Variants in THSD7A observed in about 807,000 individuals in gnomAD.
The protein encoded by THSD7A is thrombospondin type-1 domain-containing protein 7A.
THSD7A carries 96 observed loss-of-function variants against 231.3 expected under a neutral mutation model. The observed-to-expected ratio is 0.41, with a 90% CI of 0.35 to 0.49. The LOEUF (loss-of-function observed/expected upper bound fraction) is 0.49, where lower values mean the gene tolerates loss of function less well. THSD7A is among the 20% of genes least tolerant of loss of function. The pLI, the probability that THSD7A is intolerant of heterozygous loss-of-function variation, is 0.05. For synonymous variants in THSD7A, 940 were observed against 743.3 expected, an observed-to-expected ratio of 1.26 and a Z score of -4.30; for missense variants, 2,290 against 2,070.2, an observed-to-expected ratio of 1.11 and a Z score of -2.06.
intron 1 of THSD7A, among the ~76,000 whole-genome samples, chr7:11,684,882 C>T (rs1779981007): frequency 6.6e-6 from 1 of 151,898 alleles, no homozygotes; most frequent in Non-Finnish European, 1.5e-5. Flanking sequence ...TTCTAAAATT[C>T]CTATGAAACC....
intron 19 of THSD7A, among the ~76,000 whole-genome samples, chr7:11,408,927 A>ATAAG (rs1454960918): frequency 1.3e-5 from 2 of 152,250 alleles, no homozygotes; most frequent in African/African-American, 2.4e-5. Flanking sequence ...TATGATAAAA[A>ATAAG]TAAGTGTTAC....
At chr7:11,440,921 A>G (rs1784784398) in intron 13 of THSD7A, among the ~76,000 whole-genome samples, 1 of 152,082 alleles carries the variant, frequency 6.6e-6, no homozygotes, top group South Asian at 2.1e-4. Context: ...AAATGCTATC[A>G]AACAACATTG....
chr7:11,398,688 C>T (rs186830591), intron 23 of THSD7A, among the ~76,000 whole-genome samples: 202 of 152,220 alleles, frequency 1.3e-3, no homozygotes, highest in African/African-American at 4.5e-3. Context: ...CTGACCCCAG[C>T]GATGGATGAA....
At chr7:11,678,033 A>G (rs1189216349) in intron 1 of THSD7A, among the ~76,000 whole-genome samples, 2 of 152,182 alleles carry the variant, frequency 1.3e-5, no homozygotes, top group Non-Finnish European at 2.9e-5. Flanking sequence ...AACTCAGGGT[A>G]AGAAACTCAC....
chr7:11,485,612 G>A (rs1786624029), intron 6 of THSD7A, among the ~76,000 whole-genome samples: 1 of 152,150 alleles, frequency 6.6e-6, no homozygotes, highest in South Asian at 2.1e-4. Context: ...AATAGCAAAA[G>A]TTTGACTAAA....
intron 1 of THSD7A, among the ~76,000 whole-genome samples, chr7:11,769,153 A>ATATATATATATTTTTTT: frequency 3.6e-5 from 1 of 27,662 alleles, no homozygotes; most frequent in African/African-American, 1.2e-4. Context: ...ATATATATAT[A>ATATATATATATTTTTTT]TTTTTTTTTT....
chr7:11,823,249 G>T (rs552748609), intron 1 of THSD7A, among the ~76,000 whole-genome samples: 5 of 152,020 alleles, frequency 3.3e-5, no homozygotes, highest in Non-Finnish European at 7.4e-5. Context: ...CTTTGTCAAA[G>T]ATCAGTTGGT....
At chr7:11,379,358 G>A (rs972020956) in intron 25 of THSD7A, 78 bp from the exon 26 acceptor site, 2 of 1,418,764 alleles carry the variant, frequency 1.4e-6, no homozygotes, top group African/African-American at 1.4e-5. Context: ...TGAAGAGAAG[G>A]CTTTAAACAA....
chr7:11,700,318 A>C (rs1484141745), intron 1 of THSD7A, among the ~76,000 whole-genome samples: 1 of 151,250 alleles, frequency 6.6e-6, no homozygotes, highest in Non-Finnish European at 1.5e-5. Flanking sequence ...AACGTAGTTA[A>C]GGGCACTCAT....
At chr7:11,797,273 C>G (rs1344741476) in intron 1 of THSD7A, among the ~76,000 whole-genome samples, 2 of 152,086 alleles carry the variant, frequency 1.3e-5, no homozygotes, top group East Asian at 3.9e-4. Flanking sequence ...ATGGATAACA[C>G]ATTTAAGCCA....
chr7:11,502,403 C>A (rs1787374075), intron 6 of THSD7A, among the ~76,000 whole-genome samples: 1 of 152,108 alleles, frequency 6.6e-6, no homozygotes, highest in South Asian at 2.1e-4. Context: ...TACTTGCAAA[C>A]CAAATCCAGC....
chr7:11,539,385 AT>A (rs1789046635), intron 6 of THSD7A, among the ~76,000 whole-genome samples: 1 of 152,248 alleles, frequency 6.6e-6, no homozygotes, highest in Non-Finnish European at 1.5e-5. Flanking sequence ...AGGAAATAAA[AT>A]TTAATGGTGG....
At chr7:11,482,910 G>A (rs930982594) in intron 6 of THSD7A, among the ~76,000 whole-genome samples, 1 of 152,134 alleles carries the variant, frequency 6.6e-6, no homozygotes, top group Non-Finnish European at 1.5e-5. Flanking sequence ...ACAACCAACA[G>A]AATAACCAAA....
chr7:11,763,986 C>G (rs1782947820), intron 1 of THSD7A, among the ~76,000 whole-genome samples: 1 of 152,142 alleles, frequency 6.6e-6, no homozygotes, highest in Non-Finnish European at 1.5e-5. Flanking sequence ...GTTTGATCAG[C>G]TATCCATTAT....
chr7:11,428,872 T>G (rs1784398469), intron 14 of THSD7A, 75 bp downstream of exon 14: 12 of 1,510,398 alleles, frequency 7.9e-6, no homozygotes, highest in Middle Eastern at 1.7e-4. Context: ...TTATTTCCTC[T>G]TCTCCATTTT....
At chr7:11,783,700 G>C (rs1389689116) in intron 1 of THSD7A, among the ~76,000 whole-genome samples, 3 of 152,002 alleles carry the variant, frequency 2.0e-5, no homozygotes, top group Non-Finnish European at 4.4e-5. Flanking sequence ...TGAGCTAGAG[G>C]GGATATAGAT....
chr7:11,569,158 C>A (rs150372909), intron 4 of THSD7A, among the ~76,000 whole-genome samples: 70 of 152,138 alleles, frequency 4.6e-4, no homozygotes, highest in African/African-American at 1.6e-3. Context: ...ACTTCAAAAG[C>A]ACAGGTAACA....
intron 1 of THSD7A, among the ~76,000 whole-genome samples, chr7:11,758,553 C>A (rs1782756372): frequency 6.6e-6 from 1 of 151,814 alleles, no homozygotes; most frequent in African/African-American, 2.4e-5. Flanking sequence ...CAAAGCAGCT[C>A]AAAATGGGGA....
At chr7:11,405,370 A>G (rs1783548552) in intron 22 of THSD7A, among the ~76,000 whole-genome samples, 1 of 152,082 alleles carries the variant, frequency 6.6e-6, no homozygotes, top group Non-Finnish European at 1.5e-5. Flanking sequence ...TAATATTTTG[A>G]GGTCACATTC....
Sources: gnomAD v4.1 joint callset for allele counts (sites outside exome capture counted in the v4.1 genomes callset) on GRCh38, gnomAD v4.1.1 for gene constraint, MANE v1.5 for transcripts, NCBI Gene and HGNC (gene_info 2026-07-23, HGNC 2026-07-21) for gene names.